Variants in DKK4 observed in about 807,000 individuals in gnomAD.
The protein encoded by DKK4 is dickkopf-related protein 4.
Under a neutral mutation model 14.5 loss-of-function variants are expected in DKK4, and 15 were observed. The ratio of observed to expected loss-of-function variants is 1.03; its 90% CI spans 0.69 to 1.59. The LOEUF is 1.59. Ranked by LOEUF, DKK4 falls within the 40% of genes most tolerant of loss-of-function variation. The probability of loss-of-function intolerance (pLI) is 0.00; values close to 1 mark genes in which losing one functional copy is unlikely to be tolerated. For missense variants in DKK4, 272 were observed against 280.3 expected (o/e 0.97, Z 0.21); for synonymous variants, 89 against 105.2 (o/e 0.85, Z 0.94).
chr8:42,379,370 TATATATATAGAGAGAG>T (rs1298661896), upstream of DKK4, among the ~76,000 whole-genome samples: 11 of 50,934 alleles, frequency 2.2e-4, no homozygotes, highest in African/African-American at 3.2e-4. Context: ...TATATATATA[TATATATATAGAGAGAG>T]AGAGAGAGAG....
upstream of DKK4, among the ~76,000 whole-genome samples, chr8:42,379,944 A>G (rs1585937455): frequency 6.6e-6 from 1 of 152,210 alleles, no homozygotes. Context: ...GCAGTGGCTC[A>G]TGCTTGTACC....
chr8:42,387,791 C>T, the DKK4 span, among the ~76,000 whole-genome samples: 2 of 152,188 alleles, frequency 1.3e-5, no homozygotes, highest in African/African-American at 2.4e-5. Flanking sequence ...TTTCTCATCA[C>T]CTTCTTGCTT....
At chr8:42,379,742 G>T (rs1159622727), upstream of DKK4, among the ~76,000 whole-genome samples, 1 of 152,068 alleles carries the variant, frequency 6.6e-6, no homozygotes, top group African/African-American at 2.4e-5. Context: ...CAGAGGGTGA[G>T]GTGTGTGCAA....
chr8:42,388,023 T>C, the DKK4 span, among the ~76,000 whole-genome samples: 1 of 152,148 alleles, frequency 6.6e-6, no homozygotes, highest in Non-Finnish European at 1.5e-5. Context: ...CTCTGCCTGC[T>C]CAGTAGTCAG....
chr8:42,375,571 A>G (rs543720567), intron 2 of DKK4, 109 bp downstream of exon 2: 1 of 1,351,736 alleles, frequency 7.4e-7, no homozygotes, highest in Non-Finnish European at 1.0e-6. Flanking sequence ...TACTTCAAGC[A>G]TGAATCTAGG....
At position 42,374,150 on chromosome 8, in the gene DKK4, T is replaced by G. The variant is rs1244482621; in HGVS notation, c.625A>C (p.Asn209His). The change falls in exon 4 of 4, where the codon AAT (asparagine) becomes CAT (histidine). Residue 209 changes from asparagine (N) to histidine (H), a missense_variant. Physicochemically the swap from Asn to His is moderately conservative, Grantham distance 68. Transcript: ENST00000220812. ...GLLCRSQLTS[N>H]RQHARLRVCQ... is the part of the protein sequence containing the mutation. Reference sequence around the variant, plus strand: ...ACTCTTAATCGAGCATGCTGCCGATTGCTGGTCAATTGGCTTCGACACAGT... The same window carrying G: ...ACTCTTAATCGAGCATGCTGCCGATGGCTGGTCAATTGGCTTCGACACAGT... 3 of 1,613,156 alleles carry G rather than the reference T, an allele frequency of 1.9e-6. No homozygotes were observed. The African/African-American group carries it at 4.0e-5, about 22-fold the overall frequency.
At chr8:42,383,092 A>C in the DKK4 span, among the ~76,000 whole-genome samples, 2 of 152,240 alleles carry the variant, frequency 1.3e-5, no homozygotes, top group Admixed American at 6.5e-5. Flanking sequence ...CTTTGGCAGA[A>C]TCTCACAGGA....
the DKK4 span, among the ~76,000 whole-genome samples, chr8:42,386,594 C>T: frequency 1.3e-5 from 2 of 152,182 alleles, no homozygotes; most frequent in East Asian, 1.9e-4. Flanking sequence ...TGGTCTCAAG[C>T]GATCCTCCCA....
At chr8:42,383,237 C>A in the DKK4 span, among the ~76,000 whole-genome samples, 1 of 152,214 alleles carries the variant, frequency 6.6e-6, no homozygotes, top group East Asian at 1.9e-4. Context: ...CAGCCCTCCA[C>A]AAGGCTGGGG....
chr8:42,386,926 A>G, the DKK4 span, among the ~76,000 whole-genome samples: 1 of 152,190 alleles, frequency 6.6e-6, no homozygotes, highest in Non-Finnish European at 1.5e-5. Context: ...TCTGAGAGTA[A>G]AACTATACTA....
chr8:42,390,572 C>T, the DKK4 span, among the ~76,000 whole-genome samples: 1 of 151,310 alleles, frequency 6.6e-6, no homozygotes, highest in Non-Finnish European at 1.5e-5. Flanking sequence ...ACTGTGTTAG[C>T]CAGGATGGTC....
At position 42,374,256 on chromosome 8, in the gene DKK4, T is replaced by C. The variant is rs756944574; in HGVS notation, c.519A>G (p.Gly173=). The change falls in exon 4 of 4, where the codon GGA becomes GGG. Residue 173 remains glycine (G), a synonymous_variant. Transcript: ENST00000220812. The part of the protein sequence containing the change: ...TKICKPVLLE[G]QVCSRRGHKD... ...TATGCCCTCTTCTGGAGCAGACCTG[T>C]CCCTCCAAAAGGACTGGCTTACAAA... 1.2e-6 allele frequency: 2 copies of C among 1,611,852 alleles called. No individual in the cohort carries two copies. The highest frequency in any genetic ancestry group is 2.7e-5 in the African/African-American group (2 of 74,602).
the DKK4 span, among the ~76,000 whole-genome samples, chr8:42,388,288 G>A: frequency 3.1e-4 from 47 of 152,228 alleles, no homozygotes; most frequent in African/African-American, 1.1e-3. Context: ...AGAGTGAAGT[G>A]GGGCAATCTC....
chr8:42,379,351 CTATATATATA>C (rs71548581), upstream of DKK4, among the ~76,000 whole-genome samples: 7 of 8,780 alleles, frequency 8.0e-4, no homozygotes, highest in Admixed American at 1.7e-3. Context: ...GAGATTAAGC[CTATATATATA>C]TATATATATA....
the DKK4 span, among the ~76,000 whole-genome samples, chr8:42,384,772 A>G: frequency 2.0e-5 from 3 of 152,046 alleles, no homozygotes; most frequent in African/African-American, 7.2e-5. Context: ...ATCTGAACAC[A>G]AGAATTCTGG....
At position 42,377,077 on chromosome 8, in the gene DKK4, G is replaced by A. The variant is rs765372166; in HGVS notation, c.-32C>T. ...ATCCCGGGGCTCCTGGAGGGTCCCAGCACTGTGCGTCACCAAAGCGAGGCT... is the reference window on the plus strand; with the variant it reads ...ATCCCGGGGCTCCTGGAGGGTCCCAACACTGTGCGTCACCAAAGCGAGGCT... On this transcript the variant is annotated 5_prime_UTR_variant, in exon 1 of 4. Coordinates refer to ENST00000220812, the MANE Select transcript of DKK4 (RefSeq NM_014420.3). 4.4e-6 allele frequency: 7 copies of A among 1,584,824 alleles called. No homozygotes were observed. Among genetic ancestry groups the A allele is most frequent in the East Asian group, 4.5e-5 (2 of 44,640 alleles).
upstream of DKK4, chr8:42,377,283 T>A (rs953425474): frequency 2.0e-6 from 1 of 500,304 alleles, no homozygotes; most frequent in Non-Finnish European, 3.6e-6. Flanking sequence ...TCCTCCCCGC[T>A]CCGTTCCTTC....
intron 3 of DKK4, 33 bp downstream of exon 3, chr8:42,374,728 T>C: frequency 6.2e-7 from 1 of 1,613,098 alleles, no homozygotes. Context: ...AATGCATTTC[T>C]GAAATAAAAT....
At chr8:42,384,580 G>A in the DKK4 span, among the ~76,000 whole-genome samples, 8 of 151,938 alleles carry the variant, frequency 5.3e-5, 1 homozygote, top group Admixed American at 2.6e-4. Flanking sequence ...CTTGAGTGTC[G>A]TCCAGGCCTT....
Sources: gnomAD v4.1 joint callset for allele counts (sites outside exome capture counted in the v4.1 genomes callset) on GRCh38, gnomAD v4.1.1 for gene constraint, MANE v1.5 for transcripts, NCBI Gene and HGNC (gene_info 2026-07-23, HGNC 2026-07-21) for gene names.